TFDP2: variants seen among roughly 807,000 people sequenced by gnomAD.
TFDP2 encodes transcription factor Dp-2 (E2F dimerization partner 2).
Under a neutral mutation model 59.3 loss-of-function variants are expected in TFDP2, and 17 were observed. The ratio of observed to expected loss-of-function variants is 0.29; its 90% CI spans 0.20 to 0.43. The LOEUF (loss-of-function observed/expected upper bound fraction) is 0.43, where lower values mean the gene tolerates loss of function less well. TFDP2 is among the 20% of genes least tolerant of loss of function. The probability of loss-of-function intolerance (pLI) is 1.00; values close to 1 mark genes in which losing one functional copy is unlikely to be tolerated. For synonymous variants in TFDP2, 180 were observed against 194.7 expected (o/e 0.92, Z 0.63); for missense variants, 391 against 528.8 (o/e 0.74, Z 2.56).
intron 1 of TFDP2, among the ~76,000 whole-genome samples, chr3:142,147,704 C>A (rs2063224160): frequency 6.6e-6 from 1 of 152,174 alleles, no homozygotes; most frequent in African/African-American, 2.4e-5. Context: ...ACAGCCAGAA[C>A]AACGCTACAG....
chr3:142,056,195 G>T (rs951065793), intron 3 of TFDP2, among the ~76,000 whole-genome samples: 2 of 150,776 alleles, frequency 1.3e-5, no homozygotes, highest in African/African-American at 4.9e-5. Context: ...CTCATGATCT[G>T]CCCACCTCGG....
At chr3:142,057,620 A>G (rs1020893034) in intron 3 of TFDP2, among the ~76,000 whole-genome samples, 5 of 152,260 alleles carry the variant, frequency 3.3e-5, no homozygotes, top group Non-Finnish European at 7.3e-5. Context: ...TCTGAGTGCT[A>G]TGAATTCCAT....
At chr3:141,995,653 G>A (rs1943196465) in intron 4 of TFDP2, among the ~76,000 whole-genome samples, 1 of 152,100 alleles carries the variant, frequency 6.6e-6, no homozygotes, top group South Asian at 2.1e-4. Context: ...GGAGGCCGAG[G>A]TGGGAGGATC....
chr3:141,984,572 G>C (rs940773035), intron 6 of TFDP2, among the ~76,000 whole-genome samples: 4 of 152,190 alleles, frequency 2.6e-5, no homozygotes, highest in African/African-American at 7.2e-5. Flanking sequence ...AAGTAGAACA[G>C]AGGGATTGTG....
chr3:142,127,707 T>C (rs1203020902), intron 1 of TFDP2, among the ~76,000 whole-genome samples: 3 of 152,030 alleles, frequency 2.0e-5, no homozygotes, highest in Non-Finnish European at 4.4e-5. Flanking sequence ...TGGTCCTGAA[T>C]TGGCCTCAAG....
chr3:141,971,866 G>A (rs892624294), intron 8 of TFDP2, among the ~76,000 whole-genome samples: 1 of 152,186 alleles, frequency 6.6e-6, no homozygotes, highest in Non-Finnish European at 1.5e-5. Context: ...AAACACTGAA[G>A]AATGTTCAAC....
At chr3:142,132,849 T>G (rs1300688250) in intron 1 of TFDP2, among the ~76,000 whole-genome samples, 1 of 137,262 alleles carries the variant, frequency 7.3e-6, no homozygotes, top group Non-Finnish European at 1.6e-5. Flanking sequence ...CAAAAGAAAC[T>G]AAAAGAAGAT....
At position 142,052,364 on chromosome 3, in the gene TFDP2, T is replaced by C. The variant is rs572337293; in HGVS notation, c.82+40697A>G. Among the ~76,000 whole-genome samples, 106 of 126,056 alleles carry C rather than the reference T, an allele frequency of 8.4e-4. 2 individuals are homozygous for C. The East Asian group carries it at 0.018, about 22-fold the overall frequency. The allele number at this position is 126,056 out of a possible 152,430, so 82.7% of individuals were successfully genotyped here. A position where few individuals can be genotyped will look rare whatever the true frequency, so the allele number is the denominator to read the frequency against. ...CATCCTGGCTAACACGGTGAAACCC[T>C]GCCTCTACTAAAAAAAAAAAATACA... On this transcript the variant is annotated intron_variant, in intron 3 of 12. Coordinates refer to ENST00000489671, the MANE Select transcript of TFDP2 (RefSeq NM_001178139.2).
In TFDP2 at chr3:142,121,186, G is replaced by A. The variant is rs761186728; in HGVS notation, c.-92-19345C>T. Among the ~76,000 whole-genome samples the A allele has an allele frequency of 6.6e-6, 1 of 152,170 alleles. No homozygotes were observed. The highest frequency in any genetic ancestry group is 1.5e-5 in the Non-Finnish European group (1 of 68,044). ...AGAAGTTTTAACCAGCAACTGAGGGGTGATGGGGACTAATGAGAGTCAGGC... is the reference window on the plus strand; with the variant it reads ...AGAAGTTTTAACCAGCAACTGAGGGATGATGGGGACTAATGAGAGTCAGGC... On this transcript the variant is annotated intron_variant, in intron 1 of 12. Coordinates refer to ENST00000489671, the MANE Select transcript of TFDP2 (RefSeq NM_001178139.2). This position sits in a 1 kb window ranked among gnomAD's most constrained non-coding sequence, Gnocchi z 4.3.
At position 141,993,518 on chromosome 3, in the gene TFDP2, ATAGT is replaced by A. The variant is rs769245190; in HGVS notation, c.356+16_356+19del. On this transcript the variant is annotated intron_variant, in intron 6 of 12. Coordinates refer to ENST00000489671, the MANE Select transcript of TFDP2 (RefSeq NM_001178139.2). ...TATATAGCCAAATCTTCCAAACAAA[ATAGT>A]TAGACTTATACTCACCTTTCTGAAA... The A allele has an allele frequency of 6.5e-6, 10 of 1,533,908 alleles. No individual in the cohort carries two copies. The highest frequency in any genetic ancestry group is 1.4e-5 in the African/African-American group (1 of 71,916).
intron 3 of TFDP2, among the ~76,000 whole-genome samples, chr3:142,080,069 T>G (rs960921986): frequency 1.3e-5 from 2 of 152,204 alleles, no homozygotes; most frequent in Non-Finnish European, 2.9e-5. Context: ...GTTCAAGTGA[T>G]TCTCATGCCT....
At chr3:141,977,221 T>A (rs1001229036) in intron 7 of TFDP2, among the ~76,000 whole-genome samples, 13 of 148,524 alleles carry the variant, frequency 8.8e-5, no homozygotes. Context: ...CCTCAGCCTC[T>A]GGAGTAGCTG....
chr3:142,118,927 G>A (rs1314844762), intron 1 of TFDP2, among the ~76,000 whole-genome samples: 5 of 152,110 alleles, frequency 3.3e-5, no homozygotes, highest in African/African-American at 9.7e-5. Context: ...TTGGGAGGTC[G>A]AGACAGGTGG....
intron 1 of TFDP2, among the ~76,000 whole-genome samples, chr3:142,131,146 G>C (rs1338836430): frequency 6.8e-6 from 1 of 147,986 alleles, no homozygotes; most frequent in Non-Finnish European, 1.5e-5. Context: ...ATTGAAAAAA[G>C]ATGACGTGTC....
At chr3:141,968,402 T>TAA (rs1183792005) in intron 9 of TFDP2, among the ~76,000 whole-genome samples, 69 of 110,060 alleles carry the variant, frequency 6.3e-4, no homozygotes, top group South Asian at 1.0e-3. Context: ...AACATATATA[T>TAA]CATATATATA....
At chr3:142,013,474 A>C (rs1944879682) in intron 3 of TFDP2, among the ~76,000 whole-genome samples, 2 of 152,182 alleles carry the variant, frequency 1.3e-5, no homozygotes, top group African/African-American at 4.8e-5. Flanking sequence ...GTTTTTCCTA[A>C]GTGCATGGCC....
intron 3 of TFDP2, among the ~76,000 whole-genome samples, chr3:142,075,931 C>T (rs2060437525): frequency 7.9e-6 from 1 of 127,312 alleles, no homozygotes; most frequent in African/African-American, 3.3e-5. Context: ...AAAAGGCTTT[C>T]CCGGCATGGT....
intron 6 of TFDP2, among the ~76,000 whole-genome samples, chr3:141,979,499 C>T (rs1180881764): frequency 2.6e-5 from 4 of 152,116 alleles, no homozygotes; most frequent in Non-Finnish European, 5.9e-5. Context: ...TGTGTTACTG[C>T]CCCTGAAGAC....
At chr3:141,953,471 G>T (rs1413625631) in intron 11 of TFDP2, among the ~76,000 whole-genome samples, 8 of 152,018 alleles carry the variant, frequency 5.3e-5, no homozygotes, top group African/African-American at 1.9e-4. Context: ...TGCTTAGAGG[G>T]CAGACAGACA....
Sources: gnomAD v4.1 joint callset for allele counts (sites outside exome capture counted in the v4.1 genomes callset) on GRCh38, gnomAD v4.1.1 for gene constraint, Gnocchi (gnomAD v3.1) non-coding constraint, MANE v1.5 for transcripts, NCBI Gene and HGNC (gene_info 2026-07-23, HGNC 2026-07-21) for gene names.